Variants in RUFY3 observed in about 807,000 individuals in gnomAD.
RUFY3 encodes RUN and FYVE domain containing 3.
In RUFY3, 34 loss-of-function variants were observed where a neutral mutation model predicts 84.0. The ratio of observed to expected loss-of-function variants is 0.40; its 90% confidence interval spans 0.31 to 0.54. The LOEUF is 0.54. Ranked by LOEUF, RUFY3 falls within the 20% of genes least tolerant of loss-of-function variation. The pLI, the probability that RUFY3 is intolerant of heterozygous loss-of-function variation, is 0.39. For missense variants in RUFY3, 507 were observed against 736.8 expected (o/e 0.69, Z 3.61); for synonymous variants, 242 against 252.9 (o/e 0.96, Z 0.41).
At position 70,716,212 on chromosome 4, in the gene RUFY3, G is replaced by A. The variant is rs28522958; in HGVS notation, c.358+10918G>A. ...CCAGGCTGGAGTGTGGTGGCATGAC[G>A]TCGGCTCACTGTAACCTCCGCCTCC... On this transcript the variant is annotated intron_variant, in intron 1 of 11. Coordinates refer to the RUFY3 transcript ENST00000417478. Among the ~76,000 whole-genome samples, 15 of 151,934 alleles carry A rather than the reference G, an allele frequency of 9.9e-5. No individual in the cohort carries two copies. The East Asian group carries it at 1.6e-3, about 16-fold the overall frequency.
upstream of RUFY3, among the ~76,000 whole-genome samples, chr4:70,720,471 ACC>A (rs1271974647): frequency 6.6e-6 from 1 of 152,222 alleles, no homozygotes; most frequent in East Asian, 1.9e-4. Flanking sequence ...GGCATGAGCC[ACC>A]GCGCCCAGCC....
At chr4:70,778,570 A>ATTTT in intron 8 of RUFY3, 132 bp downstream of exon 8, 1 of 233,676 alleles carries the variant, frequency 4.3e-6, no homozygotes, top group Non-Finnish European at 8.0e-6. Context: ...ATAACTTCTT[A>ATTTT]TTCTTTTTTT....
chr4:70,744,890 G>T (rs1018027217), intron 1 of RUFY3, among the ~76,000 whole-genome samples: 1 of 151,852 alleles, frequency 6.6e-6, no homozygotes, highest in Admixed American at 6.6e-5. Flanking sequence ...CCTGGCCTCA[G>T]GTGATGCGCC....
intron 5 of RUFY3, among the ~76,000 whole-genome samples, chr4:70,772,893 T>C (rs1245531983): frequency 1.3e-5 from 2 of 152,198 alleles, no homozygotes; most frequent in Non-Finnish European, 2.9e-5. Context: ...ACTCCTGACC[T>C]CAGGTGATCC....
intron 1 of RUFY3, among the ~76,000 whole-genome samples, chr4:70,732,728 A>G (rs1719485587): frequency 6.6e-6 from 1 of 151,236 alleles, no homozygotes; most frequent in Non-Finnish European, 1.5e-5. Context: ...GGATACAGGG[A>G]AGGGAACATC....
Position 70,783,198 on chromosome 4 carries a change from A to C in RUFY3, c.987+15A>C. 6.8e-7 allele frequency: 1 copy of C among 1,479,932 alleles called. No homozygotes were observed. Among genetic ancestry groups the C allele is most frequent in the African/African-American group, 1.4e-5 (1 of 72,020 alleles). 91.7% of individuals were successfully genotyped at this position (1,479,932 alleles called of 1,614,324 possible). Reference sequence around the variant, plus strand: ...CCAATCGGAAGGTTAATCTTACTGGATTTATAAAATATTCACTGAGAGCAT... The same window carrying C: ...CCAATCGGAAGGTTAATCTTACTGGCTTTATAAAATATTCACTGAGAGCAT... On this transcript the variant is annotated intron_variant, in intron 9 of 17. Transcript: ENST00000381006.
At chr4:70,787,485 GAC>G (rs1178870596) in intron 10 of RUFY3, among the ~76,000 whole-genome samples, 1 of 151,580 alleles carries the variant, frequency 6.6e-6, no homozygotes, top group Non-Finnish European at 1.5e-5. Flanking sequence ...TCAAACTCCT[GAC>G]CTTGTAATTG....
Position 70,784,796 on chromosome 4 carries a change from G to T in RUFY3, c.988G>T (p.Gly330Cys). 1 of 1,591,746 alleles carries T rather than the reference G, an allele frequency of 6.3e-7. No individual in the cohort carries two copies. Among genetic ancestry groups the T allele is most frequent in the South Asian group, 1.2e-5 (1 of 86,872 alleles). The change falls in exon 10 of 18, where the codon GGT (glycine) becomes TGT (cysteine). Residue 330 changes from glycine to cysteine, a missense_variant and splice_region_variant. Around this residue, in one of 4 missense-constraint regions of RUFY3, gnomAD observed 334 missense variants for 364.1 expected, o/e 0.92. Transcript: ENST00000381006. ...GTACAATGTTATTTATCTTTTCAAG[G>T]GTCCCAAGCAAGACAGAACTGCAGA... ...SSYILESNRK[G>C]PKQDRTAEGQ...
chr4:70,726,530 C>A (rs141423295), intron 1 of RUFY3, among the ~76,000 whole-genome samples: 1 of 152,098 alleles, frequency 6.6e-6, no homozygotes. Flanking sequence ...TGCGCCACCA[C>A]GCCCAGCTAA....
chr4:70,733,207 A>G (rs1283989019), intron 1 of RUFY3, among the ~76,000 whole-genome samples: 2 of 152,064 alleles, frequency 1.3e-5, no homozygotes, highest in Non-Finnish European at 2.9e-5. Context: ...CCTCCATTAC[A>G]CACAATTTAA....
upstream of RUFY3, among the ~76,000 whole-genome samples, chr4:70,721,556 T>C (rs1349872058): frequency 1.3e-5 from 2 of 152,216 alleles, no homozygotes; most frequent in Non-Finnish European, 2.9e-5. Flanking sequence ...TTGTTTTTTT[T>C]CCCTCTGAGA....
At chr4:70,800,883 A>G (rs924714275) in intron 15 of RUFY3, among the ~76,000 whole-genome samples, 2 of 152,182 alleles carry the variant, frequency 1.3e-5, no homozygotes, top group African/African-American at 4.8e-5. Flanking sequence ...CTCTGTCTCA[A>G]ATAAAAAAAA....
chr4:70,783,941 T>C (rs1729351786), intron 9 of RUFY3, among the ~76,000 whole-genome samples: 1 of 152,224 alleles, frequency 6.6e-6, no homozygotes, highest in Non-Finnish European at 1.5e-5. Context: ...ATCTTCATGC[T>C]TCTAATCTAC....
intron 1 of RUFY3, among the ~76,000 whole-genome samples, chr4:70,728,264 C>T (rs145112224): frequency 1.3e-3 from 203 of 152,310 alleles, no homozygotes; most frequent in African/African-American, 3.4e-3. Flanking sequence ...TACCCTGTAG[C>T]GTATTGGTTG....
chr4:70,711,578 AGAGCCATTTTCT>A (rs756201649), intron 1 of RUFY3, among the ~76,000 whole-genome samples: 2 of 152,242 alleles, frequency 1.3e-5, no homozygotes, highest in Non-Finnish European at 2.9e-5. Flanking sequence ...AAGAAGGCAG[AGAGCCATTTTCT>A]GATCCATTAA....
upstream of RUFY3, among the ~76,000 whole-genome samples, chr4:70,718,162 C>T (rs1441658851): frequency 2.0e-5 from 3 of 152,200 alleles, no homozygotes; most frequent in South Asian, 4.2e-4. Flanking sequence ...GGATTACAGG[C>T]GTGAGCCACC....
chr4:70,796,724 A>G (rs1449144122), intron 14 of RUFY3, among the ~76,000 whole-genome samples: 1 of 152,186 alleles, frequency 6.6e-6, no homozygotes, highest in African/African-American at 2.4e-5. Context: ...TTCATCTTCA[A>G]CATCATCTGG....
At position 70,801,982 on chromosome 4, in the gene RUFY3, ATC is replaced by A. The variant is rs1560577903; in HGVS notation, c.1623-972_1623-971del. ...AGAATATGGAACAGTGCTTCCTTAT[ATC>A]TGAATTGTGCTCTGCAACTTAGAAT... On this transcript the variant is annotated intron_variant, in intron 15 of 17. Transcript: ENST00000381006. Among the ~76,000 whole-genome samples, 6 of 152,222 alleles carry A rather than the reference ATC, an allele frequency of 3.9e-5. No individual in the cohort carries two copies. In the East Asian group the frequency reaches 1.2e-3, roughly 29 times the overall value.
chr4:70,778,356 C>T lies in RUFY3; in HGVS notation c.825-13C>T, dbSNP rs1398554651. The T allele has an allele frequency of 2.0e-6, 3 of 1,494,326 alleles. No individual in the cohort carries two copies. Among genetic ancestry groups the T allele is most frequent in the Admixed American group, 3.6e-5 (2 of 56,090 alleles). The allele number at this position is 1,494,326 out of a possible 1,614,324, so 92.6% of individuals were successfully genotyped here. A position where few individuals can be genotyped will look rare whatever the true frequency, so the allele number is the denominator to read the frequency against. Reference sequence around the variant, plus strand: ...TTTTCAAAAGTGACTTTTTTTTCTTCTCTATATTATAGTGCTACTGTAAAC... The same window carrying T: ...TTTTCAAAAGTGACTTTTTTTTCTTTTCTATATTATAGTGCTACTGTAAAC... On this transcript the variant is annotated splice_polypyrimidine_tract_variant and intron_variant, in intron 7 of 17. Coordinates refer to ENST00000381006, the MANE Select transcript of RUFY3 (RefSeq NM_001037442.4).
Sources: gnomAD v4.1 joint callset for allele counts (sites outside exome capture counted in the v4.1 genomes callset) on GRCh38, gnomAD v4.1.1 for gene constraint, gnomAD v4.1.1 regional missense constraint, MANE v1.5 for transcripts, NCBI Gene and HGNC (gene_info 2026-07-23, HGNC 2026-07-21) for gene names.